SLC35F3: variants seen among roughly 807,000 people sequenced by gnomAD.
The protein encoded by SLC35F3 is solute carrier family 35 member F3.
SLC35F3 carries 25 observed loss-of-function variants against 49.9 expected under a neutral mutation model. The ratio of observed to expected loss-of-function variants is 0.50; its 90% confidence interval spans 0.37 to 0.70. The LOEUF (loss-of-function observed/expected upper bound fraction) is 0.70. SLC35F3 is among the 30% of genes least tolerant of loss of function. SLC35F3 has a pLI of 0.00. For missense variants in SLC35F3, 525 were observed against 639.8 expected (o/e 0.82, Z 1.94); for synonymous variants, 275 against 265.4 (o/e 1.04, Z -0.35).
At chr1:234,305,341 G>T in intron 3 of SLC35F3, among the ~76,000 whole-genome samples, 1 of 149,828 alleles carries the variant, frequency 6.7e-6, no homozygotes. Flanking sequence ...ATGTTTCTTT[G>T]AATAATTCTA....
At chr1:233,977,522 T>C (rs1333015469) in intron 2 of SLC35F3, among the ~76,000 whole-genome samples, 1 of 152,206 alleles carries the variant, frequency 6.6e-6, no homozygotes, top group African/African-American at 2.4e-5. Context: ...ACAGTGGCCT[T>C]GCTGTTGGAT....
intron 2 of SLC35F3, among the ~76,000 whole-genome samples, chr1:233,961,853 T>G (rs1662809618): frequency 6.6e-6 from 1 of 152,134 alleles, no homozygotes; most frequent in African/African-American, 2.4e-5. Flanking sequence ...GAAAATAAGG[T>G]GCATTTTAAC....
chr1:234,150,049 A>G (rs1190467859), intron 2 of SLC35F3, among the ~76,000 whole-genome samples: 2 of 152,332 alleles, frequency 1.3e-5, no homozygotes, highest in South Asian at 2.1e-4. Context: ...TCCTTATCCC[A>G]TAGACTTTGG....
intron 2 of SLC35F3, among the ~76,000 whole-genome samples, chr1:234,066,177 G>A (rs1245268664): frequency 6.6e-6 from 1 of 152,216 alleles, no homozygotes; most frequent in Non-Finnish European, 1.5e-5. Flanking sequence ...CTGATGAAGA[G>A]AAGCACTGAG....
At chr1:234,141,355 A>G (rs1665911334) in intron 2 of SLC35F3, among the ~76,000 whole-genome samples, 2 of 152,148 alleles carry the variant, frequency 1.3e-5, no homozygotes, top group African/African-American at 2.4e-5. Flanking sequence ...CAGGTCCTGC[A>G]TGGTGAACAA....
At chr1:234,084,470 T>G (rs1664931417) in intron 2 of SLC35F3, among the ~76,000 whole-genome samples, 1 of 152,230 alleles carries the variant, frequency 6.6e-6, no homozygotes, top group Non-Finnish European at 1.5e-5. Context: ...CAGAACCAAC[T>G]AACTTTTGCA....
intron 2 of SLC35F3, among the ~76,000 whole-genome samples, chr1:234,153,917 GC>G (rs1245161659): frequency 2.0e-5 from 3 of 152,138 alleles, no homozygotes; most frequent in African/African-American, 7.2e-5. Flanking sequence ...CAAAAAATTA[GC>G]CGGGCATGGC....
chr1:234,031,473 C>T (rs1245652646), intron 2 of SLC35F3, among the ~76,000 whole-genome samples: 1 of 152,188 alleles, frequency 6.6e-6, no homozygotes, highest in Admixed American at 6.5e-5. Flanking sequence ...CATAATGAGC[C>T]TTGTATTGCT....
At chr1:233,992,367 G>A (rs533666273) in intron 2 of SLC35F3, among the ~76,000 whole-genome samples, 1 of 152,298 alleles carries the variant, frequency 6.6e-6, no homozygotes, top group Admixed American at 6.5e-5. Flanking sequence ...AGGCAGGGAA[G>A]TTCAAGAGCG....
Position 234,027,528 on chromosome 1 carries a change from A to G in SLC35F3, c.283+121770A>G, listed in dbSNP as rs542999229. 3.3e-5 allele frequency among the ~76,000 whole-genome samples: 5 copies of G among 152,318 alleles called. No individual in the cohort carries two copies. The highest frequency in any genetic ancestry group is 2.0e-4 in the Admixed American group (3 of 15,304). On this transcript the variant is annotated intron_variant, in intron 2 of 7. Coordinates refer to ENST00000366618, the MANE Select transcript of SLC35F3 (RefSeq NM_173508.4). This position sits in a 1 kb window ranked among gnomAD's most constrained non-coding sequence, Gnocchi z 4.1. ...CATTCGGTAGTGGTTTAAAGAATGG[A>G]GAGTGGGGTCTTAGACTCGCAATAG...
chr1:233,945,932 G>A (rs959090106), intron 2 of SLC35F3, among the ~76,000 whole-genome samples: 4 of 152,202 alleles, frequency 2.6e-5, no homozygotes, highest in Non-Finnish European at 5.9e-5. Flanking sequence ...TACATTCAAT[G>A]TTTTAAATAG....
rs932390944 is a variant in SLC35F3, at chr1:234,231,154, G to A, written c.284-263G>A. 1.3e-5 allele frequency among the ~76,000 whole-genome samples: 2 copies of A among 152,164 alleles called. No individual in the cohort carries two copies. Among genetic ancestry groups the A allele is most frequent in the East Asian group, 3.9e-4 (2 of 5,184 alleles). On this transcript the variant is annotated intron_variant, in intron 2 of 7. Coordinates refer to ENST00000366618, the MANE Select transcript of SLC35F3 (RefSeq NM_173508.4). This position sits in a 1 kb window ranked among gnomAD's most constrained non-coding sequence, Gnocchi z 5.4. Reference sequence around the variant, plus strand: ...AGATTCTGCATTTCCAACACGTTCCGGGGACGGACGGGGAAGGGTGCTGAC... The same window carrying A: ...AGATTCTGCATTTCCAACACGTTCCAGGGACGGACGGGGAAGGGTGCTGAC...
intron 2 of SLC35F3, among the ~76,000 whole-genome samples, chr1:233,930,458 A>G (rs12145892): frequency 0.33 from 49,666 of 152,026 alleles, 8,891 homozygotes; most frequent in Middle Eastern, 0.43. Context: ...GAACTATTGA[A>G]CAATTTATTC....
intron 2 of SLC35F3, among the ~76,000 whole-genome samples, chr1:234,177,879 T>C (rs1219058242): frequency 1.3e-5 from 2 of 152,242 alleles, no homozygotes; most frequent in Non-Finnish European, 1.5e-5. Flanking sequence ...TGTCATGGTT[T>C]AATACAATTT....
At position 234,134,671 on chromosome 1, in the gene SLC35F3, A is replaced by C. The variant is rs1903018; in HGVS notation, c.284-96746A>C. ...ATGATGCCTAGGCCCCCACTCAAGA[A>C]CAAGGGGATTAAAACCTTTGTAGTG... On this transcript the variant is annotated intron_variant, in intron 2 of 7. Coordinates refer to ENST00000366618, the MANE Select transcript of SLC35F3 (RefSeq NM_173508.4). Among the ~76,000 whole-genome samples the C allele has an allele frequency of 2.2e-4, 34 of 152,120 alleles. No individual in the cohort carries two copies. In the East Asian group the frequency reaches 5.2e-3, roughly 23 times the overall value.
At chr1:233,986,645 G>C (rs1314049274) in intron 2 of SLC35F3, among the ~76,000 whole-genome samples, 2 of 152,052 alleles carry the variant, frequency 1.3e-5, no homozygotes, top group Non-Finnish European at 2.9e-5. Flanking sequence ...TTCCCTTGCA[G>C]TTCTTAATTG....
chr1:234,235,971 T>G (rs2102953744), intron 3 of SLC35F3, among the ~76,000 whole-genome samples: 1 of 152,264 alleles, frequency 6.6e-6, no homozygotes, highest in South Asian at 2.1e-4. Context: ...CTGAAAATAG[T>G]TACTGTGCGT....
intron 2 of SLC35F3, among the ~76,000 whole-genome samples, chr1:234,065,958 C>T (rs909410240): frequency 1.3e-5 from 2 of 152,166 alleles, no homozygotes; most frequent in Admixed American, 1.3e-4. Flanking sequence ...CAGTGAATGA[C>T]TTGAGGGCCC....
intron 2 of SLC35F3, among the ~76,000 whole-genome samples, chr1:234,117,936 G>GTATATATATATATA (rs1665515801): frequency 8.6e-6 from 1 of 116,032 alleles, no homozygotes; most frequent in East Asian, 1.4e-3. Flanking sequence ...GTGTGTGTGT[G>GTATATATATATATA]TGTGTGTGTG....
Sources: gnomAD v4.1 joint callset for allele counts (sites outside exome capture counted in the v4.1 genomes callset) on GRCh38, gnomAD v4.1.1 for gene constraint, Gnocchi (gnomAD v3.1) non-coding constraint, MANE v1.5 for transcripts, NCBI Gene and HGNC (gene_info 2026-07-23, HGNC 2026-07-21) for gene names.